Variants in PTPRN2 observed in about 807,000 individuals in gnomAD.
The protein encoded by PTPRN2 is protein tyrosine phosphatase receptor type N2.
Under a neutral mutation model 118.8 loss-of-function variants are expected in PTPRN2, and 74 were observed. The observed-to-expected ratio is 0.62, with a 90% CI of 0.52 to 0.76. The LOEUF is 0.76. PTPRN2 is among the 30% of genes least tolerant of loss of function. The probability of loss-of-function intolerance (pLI) is 0.00; values close to 1 mark genes in which losing one functional copy is unlikely to be tolerated. For missense variants in PTPRN2, 1,481 were observed against 1,394.4 expected, an observed-to-expected ratio of 1.06 and a Z score of -0.99; for synonymous variants, 641 against 608.0, an observed-to-expected ratio of 1.05 and a Z score of -0.80.
intron 11 of PTPRN2, among the ~76,000 whole-genome samples, chr7:158,031,810 A>T (rs1332835622): frequency 6.6e-6 from 1 of 152,266 alleles, no homozygotes; most frequent in Non-Finnish European, 1.5e-5. Flanking sequence ...CGAGTAAAAA[A>T]GGTGGGCGGA....
chr7:158,472,284 A>G (rs914780293), intron 2 of PTPRN2, among the ~76,000 whole-genome samples: 4 of 152,204 alleles, frequency 2.6e-5, no homozygotes, highest in African/African-American at 7.2e-5. Flanking sequence ...GATTGGAGGA[A>G]GGATGGGAAG....
At chr7:157,888,093 C>T (rs1347558965) in intron 12 of PTPRN2, among the ~76,000 whole-genome samples, 1 of 151,662 alleles carries the variant, frequency 6.6e-6, no homozygotes, top group African/African-American at 2.4e-5. Flanking sequence ...AGAGACAGAC[C>T]CTGGTTTTTC....
intron 12 of PTPRN2, among the ~76,000 whole-genome samples, chr7:157,816,227 C>T (rs1405255398): frequency 6.6e-6 from 1 of 152,224 alleles, no homozygotes; most frequent in Non-Finnish European, 1.5e-5. Flanking sequence ...GAGGTGGAGA[C>T]CAGCTGCTGC....
intron 11 of PTPRN2, among the ~76,000 whole-genome samples, chr7:158,068,413 G>T (rs1248942067): frequency 6.6e-6 from 1 of 152,194 alleles, no homozygotes; most frequent in Non-Finnish European, 1.5e-5. Flanking sequence ...CTGCAGCTGG[G>T]GCAGGAGCTG....
rs142464438 is a variant in PTPRN2, at chr7:158,257,181, G to A, written c.278-51908C>T. On this transcript the variant is annotated intron_variant, in intron 3 of 22. Coordinates refer to ENST00000389418, the MANE Select transcript of PTPRN2 (RefSeq NM_002847.5). ...CTGTCTACCACCCAGGTCAGCAGGC[G>A]GGGTTTGCCCTGGACCAGCGTGTGG... Among the ~76,000 whole-genome samples the A allele has an allele frequency of 6.5e-4, 99 of 152,276 alleles. 2 individuals carry two copies. In the East Asian group the frequency reaches 0.016, roughly 25 times the overall value.
chr7:157,649,904 C>A (rs77030791), intron 14 of PTPRN2, among the ~76,000 whole-genome samples: 10 of 53,404 alleles, frequency 1.9e-4, no homozygotes, highest in African/African-American at 5.6e-4. Context: ...ACCCATCCAG[C>A]GTGCACTGAA....
intron 2 of PTPRN2, among the ~76,000 whole-genome samples, chr7:158,375,054 A>G (rs1471044426): frequency 2.0e-5 from 3 of 152,228 alleles, no homozygotes; most frequent in African/African-American, 4.8e-5. Flanking sequence ...GAAACTCCAC[A>G]TCCCCGAGGC....
chr7:158,050,581 G>A (rs1017347726), intron 11 of PTPRN2, among the ~76,000 whole-genome samples: 11 of 152,076 alleles, frequency 7.2e-5, no homozygotes, highest in African/African-American at 2.4e-4. Flanking sequence ...ACAGCCTCCC[G>A]GCTTCCCTCA....
rs572757645 is a variant in PTPRN2, at chr7:157,872,657, G to A, written c.1788+26016C>T. 6.6e-5 allele frequency among the ~76,000 whole-genome samples: 10 copies of A among 152,380 alleles called. No homozygotes were observed. In the East Asian group the frequency reaches 1.7e-3, roughly 26 times the overall value. ...CCGGTATAACTAAGCACTGAGAGGC[G>A]CTCTTGCGCCCAGGCCGCCTGTCCA... On this transcript the variant is annotated intron_variant, in intron 12 of 22. Coordinates refer to ENST00000389418, the MANE Select transcript of PTPRN2 (RefSeq NM_002847.5).
intron 2 of PTPRN2, among the ~76,000 whole-genome samples, chr7:158,461,892 T>G (rs967107661): frequency 6.6e-6 from 1 of 152,284 alleles, no homozygotes; most frequent in Admixed American, 6.5e-5. Flanking sequence ...TTACTGAGCC[T>G]AAAGACACTG....
At chr7:158,556,672 C>G (rs1027582962) in intron 1 of PTPRN2, among the ~76,000 whole-genome samples, 4 of 152,268 alleles carry the variant, frequency 2.6e-5, no homozygotes, top group African/African-American at 9.6e-5. Flanking sequence ...CTGGTCTCCT[C>G]CCCTCAGAGA....
intron 11 of PTPRN2, among the ~76,000 whole-genome samples, chr7:157,970,719 A>G (rs1423490638): frequency 6.7e-6 from 1 of 148,184 alleles, no homozygotes; most frequent in African/African-American, 2.5e-5. Flanking sequence ...AGCACAACAC[A>G]CATGGACAGC....
intron 8 of PTPRN2, among the ~76,000 whole-genome samples, chr7:158,136,406 TACC>T (rs1410647897): frequency 6.6e-6 from 1 of 152,204 alleles, no homozygotes; most frequent in African/African-American, 2.4e-5. Context: ...TCTTTGCATT[TACC>T]ACGACTTTCA....
chr7:157,984,311 CCAT>C (rs1400592676), intron 11 of PTPRN2, among the ~76,000 whole-genome samples: 3 of 129,690 alleles, frequency 2.3e-5, no homozygotes, highest in African/African-American at 3.0e-5. Context: ...AGGCTCCACC[CCAT>C]CCCACGCCAG....
intron 21 of PTPRN2, among the ~76,000 whole-genome samples, chr7:157,566,887 C>T (rs191535310): frequency 7.9e-5 from 12 of 152,348 alleles, no homozygotes; most frequent in East Asian, 5.8e-4. Flanking sequence ...TGCGTCCGGC[C>T]GCCTGCCTGT....
chr7:158,401,261 A>T (rs1305500934), intron 2 of PTPRN2, among the ~76,000 whole-genome samples: 1 of 152,212 alleles, frequency 6.6e-6, no homozygotes, highest in African/African-American at 2.4e-5. Flanking sequence ...TGGAGGCTCC[A>T]TCCCCTCGTT....
At position 158,112,387 on chromosome 7, in the gene PTPRN2, G is replaced by A. The variant is rs113291733; in HGVS notation, c.1557-1472C>T. ...GAGCAGAGAAGGCAAGGGGGCCGCG[G>A]TGCCACATGGTGAGGAGGTGAAGTC... On this transcript the variant is annotated intron_variant, in intron 9 of 22. Transcript: ENST00000389418. 2.0e-3 allele frequency among the ~76,000 whole-genome samples: 310 copies of A among 152,326 alleles called. 1 individual carries two copies. Among genetic ancestry groups the A allele is most frequent in the African/African-American group, 6.8e-3 (284 of 41,582 alleles).
At chr7:158,554,416 T>C (rs1826848416) in intron 1 of PTPRN2, among the ~76,000 whole-genome samples, 1 of 152,216 alleles carries the variant, frequency 6.6e-6, no homozygotes, top group Admixed American at 6.5e-5. Flanking sequence ...GGGTAATTGC[T>C]CTGGGAGGTG....
rs1223580467 is a variant in PTPRN2, at chr7:157,861,883, T to C, written c.1788+36790A>G. Among the ~76,000 whole-genome samples, 2 of 150,846 alleles carry C rather than the reference T, an allele frequency of 1.3e-5. No individual in the cohort carries two copies. Among genetic ancestry groups the C allele is most frequent in the Non-Finnish European group, 3.0e-5 (2 of 67,762 alleles). On this transcript the variant is annotated intron_variant, in intron 12 of 22. Coordinates refer to ENST00000389418, the MANE Select transcript of PTPRN2 (RefSeq NM_002847.5). This position sits in a 1 kb window ranked among gnomAD's most constrained non-coding sequence, Gnocchi z 5.8. ...TGTGTGCCGGAGTCTGTCCTCCCCA[T>C]CACAGGGACACTGCTGCTTCGAGGA... is the stretch of plus-strand genomic sequence containing the variant.
Sources: allele counts gnomAD v4.1 joint callset (sites outside exome capture counted in the v4.1 genomes callset), GRCh38; gene constraint gnomAD v4.1.1; non-coding constraint Gnocchi (gnomAD v3.1); transcripts MANE v1.5; gene names NCBI Gene and HGNC (gene_info 2026-07-23, HGNC 2026-07-21).